Variants in TENM3 observed in about 807,000 individuals in gnomAD.
The protein encoded by TENM3 is teneurin transmembrane protein 3.
A neutral mutation model predicts 255.1 loss-of-function variants in TENM3; 63 were observed. The observed-to-expected ratio is 0.25, with a 90% CI of 0.20 to 0.30. The LOEUF (loss-of-function observed/expected upper bound fraction) is 0.30, where lower values mean the gene tolerates loss of function less well. Among genes scored for constraint, TENM3 ranks in the 10% least tolerant of loss-of-function variants. The pLI is 1.00. For synonymous variants in TENM3, 1,306 were observed against 1,322.3 expected, an observed-to-expected ratio of 0.99 and a Z score of 0.27; for missense variants, 2,929 against 3,461.1, an observed-to-expected ratio of 0.85 and a Z score of 3.86.
the TENM3 span, among the ~76,000 whole-genome samples, chr4:181,544,408 T>TAAAAAA: frequency 0.014 from 987 of 68,628 alleles, 101 homozygotes; most frequent in East Asian, 0.042. Flanking sequence ...CCTTCAGGAT[T>TAAAAAA]AAAAAAAAAA....
chr4:181,769,689 A>AAT, the TENM3 span, among the ~76,000 whole-genome samples: 1 of 152,190 alleles, frequency 6.6e-6, no homozygotes, highest in Non-Finnish European at 1.5e-5. Context: ...TGTAGTCTCT[A>AAT]ATAACTGATT....
At chr4:182,718,420 G>GGCATGA (rs1759385944) in intron 13 of TENM3, among the ~76,000 whole-genome samples, 1 of 151,944 alleles carries the variant, frequency 6.6e-6, no homozygotes, top group South Asian at 2.1e-4. Context: ...GTGTGGCCTG[G>GGCATGA]GCCTGAGCCT....
chr4:182,301,072 TA>T (rs1396339095), intron 1 of TENM3, among the ~76,000 whole-genome samples: 2 of 152,226 alleles, frequency 1.3e-5, no homozygotes, highest in African/African-American at 4.8e-5. Context: ...GACTGCATCT[TA>T]TGCGTATTAA....
chr4:182,179,404 A>G (rs528713176), intron 1 of TENM3, among the ~76,000 whole-genome samples: 7 of 152,312 alleles, frequency 4.6e-5, no homozygotes, highest in African/African-American at 1.7e-4. Flanking sequence ...TAATTTTAAA[A>G]CATCCCTCTC....
chr4:181,460,538 A>G, the TENM3 span, among the ~76,000 whole-genome samples: 4 of 151,868 alleles, frequency 2.6e-5, no homozygotes, highest in Non-Finnish European at 4.4e-5. Flanking sequence ...CAACTGGGTG[A>G]AAATCTCCTA....
At chr4:181,615,841 T>A in the TENM3 span, among the ~76,000 whole-genome samples, 1 of 152,224 alleles carries the variant, frequency 6.6e-6, no homozygotes, top group Admixed American at 6.5e-5. Context: ...TATTTTACCA[T>A]CTATTAGGAG....
chr4:182,539,440 ACTC>A (rs1740651700), intron 3 of TENM3, among the ~76,000 whole-genome samples: 1 of 152,008 alleles, frequency 6.6e-6, no homozygotes, highest in South Asian at 2.1e-4. Flanking sequence ...GGAACAGAGA[ACTC>A]CTCCAAGAAG....
the TENM3 span, among the ~76,000 whole-genome samples, chr4:181,792,963 GT>G: frequency 3.4e-4 from 51 of 148,248 alleles, no homozygotes; most frequent in African/African-American, 1.0e-3. Context: ...GTTATAGACG[GT>G]TTTTTTTTTC....
At chr4:182,616,205 T>C (rs945378258) in intron 4 of TENM3, among the ~76,000 whole-genome samples, 1 of 152,050 alleles carries the variant, frequency 6.6e-6, no homozygotes, top group Non-Finnish European at 1.5e-5. Flanking sequence ...CTTATCAGTC[T>C]TGTTGAACTG....
chr4:182,214,510 T>TTTA (rs1464213450), intron 1 of TENM3, among the ~76,000 whole-genome samples: 5 of 129,104 alleles, frequency 3.9e-5, no homozygotes, highest in African/African-American at 9.2e-5. Flanking sequence ...ATTCTATTTA[T>TTTA]TGTATTTATT....
At chr4:181,654,329 G>T in the TENM3 span, among the ~76,000 whole-genome samples, 1 of 152,068 alleles carries the variant, frequency 6.6e-6, no homozygotes, top group East Asian at 1.9e-4. Context: ...CAAGAAAAAT[G>T]CCACAGAGTT....
intron 3 of TENM3, among the ~76,000 whole-genome samples, chr4:182,524,851 AAAAAG>A (rs1308819389): frequency 4.0e-5 from 6 of 151,718 alleles, no homozygotes; most frequent in Non-Finnish European, 7.4e-5. Context: ...AAAAAAAAAA[AAAAAG>A]AAAAGAAAAG....
At chr4:182,672,178 CA>C in intron 6 of TENM3, among the ~76,000 whole-genome samples, 1 of 152,096 alleles carries the variant, frequency 6.6e-6, no homozygotes, top group East Asian at 1.9e-4. Context: ...AACATCGTAC[CA>C]AAAAGAGGAG....
At chr4:181,786,233 C>T in the TENM3 span, among the ~76,000 whole-genome samples, 1 of 152,062 alleles carries the variant, frequency 6.6e-6, no homozygotes. Flanking sequence ...TATGTGGTAC[C>T]AAAAAGGCAT....
chr4:181,910,633 T>C, the TENM3 span, among the ~76,000 whole-genome samples: 1 of 144,380 alleles, frequency 6.9e-6, no homozygotes, highest in African/African-American at 2.6e-5. Flanking sequence ...TGTGTGTATG[T>C]GTGTGTGTGT....
the TENM3 span, among the ~76,000 whole-genome samples, chr4:181,798,761 A>G: frequency 6.6e-6 from 1 of 152,204 alleles, no homozygotes; most frequent in Non-Finnish European, 1.5e-5. Flanking sequence ...GTTATTATAC[A>G]TCAAAACTGG....
At chr4:181,570,283 G>A in the TENM3 span, among the ~76,000 whole-genome samples, 5 of 152,102 alleles carry the variant, frequency 3.3e-5, no homozygotes, top group African/African-American at 1.2e-4. Context: ...CTGACCTCAT[G>A]ATCCACCCGC....
intron 13 of TENM3, among the ~76,000 whole-genome samples, chr4:182,722,232 T>C (rs1443002607): frequency 6.6e-6 from 1 of 152,172 alleles, no homozygotes; most frequent in Non-Finnish European, 1.5e-5. Context: ...TTTAAGTACC[T>C]ATTGGAGTAA....
chr4:182,219,824 CAAA>C (rs1755739642), intron 1 of TENM3, among the ~76,000 whole-genome samples: 1 of 152,154 alleles, frequency 6.6e-6, no homozygotes, highest in South Asian at 2.1e-4. Flanking sequence ...GTCATACAGT[CAAA>C]TGATGAAGTC....
Sources: gnomAD v4.1 joint callset for allele counts (sites outside exome capture counted in the v4.1 genomes callset) on GRCh38, gnomAD v4.1.1 for gene constraint, MANE v1.5 for transcripts, NCBI Gene and HGNC (gene_info 2026-07-23, HGNC 2026-07-21) for gene names.